Variants in FMN1 observed in about 807,000 individuals in gnomAD.
FMN1 encodes the protein formin 1.
FMN1 carries 110 observed loss-of-function variants against 132.4 expected under a neutral mutation model. The ratio of observed to expected loss-of-function variants is 0.83; its 90% CI spans 0.71 to 0.97. The LOEUF is 0.97. FMN1 is among the 50% of genes least tolerant of loss of function. FMN1 has a pLI of 0.00. For synonymous variants in FMN1, 722 were observed against 651.7 expected (o/e 1.11, Z -1.64); for missense variants, 1,792 against 1,705.3 (o/e 1.05, Z -0.90).
chr15:33,140,253 C>T (rs962190391), intron 4 of FMN1, among the ~76,000 whole-genome samples: 1 of 150,424 alleles, frequency 6.6e-6, no homozygotes, highest in African/African-American at 2.5e-5. Flanking sequence ...CCGTTTATCC[C>T]CTTTAATTAA....
chr15:33,122,125 A>G (rs914060939), intron 4 of FMN1, among the ~76,000 whole-genome samples: 2 of 152,252 alleles, frequency 1.3e-5, no homozygotes, highest in African/African-American at 4.8e-5. Flanking sequence ...ACAGTTAACT[A>G]CACAGTGAAA....
In FMN1 at chr15:32,769,373, A is replaced by C. The variant is rs985374999; in HGVS notation, c.*4937T>G. The C allele has an allele frequency of 6.6e-6, 1 of 150,876 alleles. No homozygotes were observed. Among genetic ancestry groups the C allele is most frequent in the African/African-American group, 2.5e-5 (1 of 40,146 alleles). 9.3% of individuals were successfully genotyped at this position (150,876 alleles called of 1,614,324 possible). A position where few individuals can be genotyped will look rare whatever the true frequency, so the allele number is the denominator to read the frequency against. ...GCCCATTCCTTGGGAAGGGAGATGA[A>C]GAATTGTGAAACCAAAATGCAGTGC... On this transcript the variant is annotated 3_prime_UTR_variant, in exon 21 of 21. Coordinates refer to ENST00000616417, the MANE Select transcript of FMN1 (RefSeq NM_001277313.2).
At chr15:33,019,288 G>A (rs753157602) in intron 6 of FMN1, among the ~76,000 whole-genome samples, 12 of 152,188 alleles carry the variant, frequency 7.9e-5, no homozygotes, top group East Asian at 5.8e-4. Context: ...AACCCTGAGC[G>A]GGACACAGAG....
At chr15:32,822,377 T>A (rs1304383533) in intron 17 of FMN1, among the ~76,000 whole-genome samples, 1 of 151,626 alleles carries the variant, frequency 6.6e-6, no homozygotes, top group East Asian at 1.9e-4. Context: ...AAAAAGATGA[T>A]CTACGATTAG....
chr15:32,988,535 C>A (rs1026476322), intron 7 of FMN1, among the ~76,000 whole-genome samples: 1 of 152,186 alleles, frequency 6.6e-6, no homozygotes, highest in Non-Finnish European at 1.5e-5. Context: ...ATCACTTAGA[C>A]TGTAGTCAAC....
At chr15:32,965,543 C>T (rs2031129837) in intron 8 of FMN1, among the ~76,000 whole-genome samples, 1 of 151,980 alleles carries the variant, frequency 6.6e-6, no homozygotes, top group Non-Finnish European at 1.5e-5. Flanking sequence ...TCAATGAAAA[C>T]TAAAAAGATA....
chr15:32,841,771 T>G (rs1430030740), intron 17 of FMN1, among the ~76,000 whole-genome samples: 1 of 152,222 alleles, frequency 6.6e-6, no homozygotes. Flanking sequence ...GGAAATACCA[T>G]CCATCCTGAA....
intron 5 of FMN1, among the ~76,000 whole-genome samples, chr15:33,074,030 C>T (rs1336414163): frequency 6.6e-6 from 1 of 152,174 alleles, no homozygotes; most frequent in Admixed American, 6.5e-5. Flanking sequence ...TGCCTCCGGC[C>T]TGGCTTGACC....
At chr15:33,152,538 T>C (rs183878967) in intron 4 of FMN1, among the ~76,000 whole-genome samples, 1 of 151,910 alleles carries the variant, frequency 6.6e-6, no homozygotes, top group Non-Finnish European at 1.5e-5. Flanking sequence ...CTTATCGAGA[T>C]GATTACTAAA....
At chr15:33,136,908 T>C (rs1275688074) in intron 4 of FMN1, among the ~76,000 whole-genome samples, 3 of 151,606 alleles carry the variant, frequency 2.0e-5, no homozygotes, top group Admixed American at 1.3e-4. Flanking sequence ...GCCAACATGG[T>C]GAAACCCTGT....
At chr15:32,878,855 T>G (rs10519761) in intron 16 of FMN1, among the ~76,000 whole-genome samples, 374 of 152,338 alleles carry the variant, frequency 2.5e-3, no homozygotes, top group African/African-American at 8.7e-3. Context: ...AAACACATTC[T>G]ATTAACCACG....
chr15:33,115,186 A>G (rs904855367), intron 4 of FMN1, among the ~76,000 whole-genome samples: 1 of 152,210 alleles, frequency 6.6e-6, no homozygotes, highest in Non-Finnish European at 1.5e-5. Flanking sequence ...AAATTCTTAG[A>G]ATTTAAGTGT....
chr15:33,165,422 GCT>G (rs1198798550), intron 3 of FMN1, among the ~76,000 whole-genome samples: 2 of 152,088 alleles, frequency 1.3e-5, no homozygotes, highest in African/African-American at 4.8e-5. Flanking sequence ...ACGGAGTCTC[GCT>G]CTGTCACCCA....
chr15:33,104,522 G>T (rs547987780), intron 4 of FMN1, among the ~76,000 whole-genome samples: 1 of 152,044 alleles, frequency 6.6e-6, no homozygotes, highest in Non-Finnish European at 1.5e-5. Context: ...TGGGGAAAAT[G>T]ATACAACAGA....
At chr15:32,815,783 T>C (rs1567213606) in intron 17 of FMN1, among the ~76,000 whole-genome samples, 3 of 152,302 alleles carry the variant, frequency 2.0e-5, no homozygotes, top group Middle Eastern at 3.4e-3. Flanking sequence ...GTGGTGGTAA[T>C]GATGGTGATG....
chr15:32,891,597 A>G (rs891769322), intron 15 of FMN1, among the ~76,000 whole-genome samples: 3 of 152,102 alleles, frequency 2.0e-5, no homozygotes, highest in Non-Finnish European at 4.4e-5. Flanking sequence ...ACTGCACTGA[A>G]TTTGTAGATT....
intron 9 of FMN1, among the ~76,000 whole-genome samples, chr15:32,947,652 GTCTC>G (rs540164616): frequency 1.7e-3 from 254 of 152,140 alleles, no homozygotes; most frequent in African/African-American, 5.9e-3. Context: ...AGAGAATTAT[GTCTC>G]TCTTTTTATT....
chr15:32,861,168 C>T (rs949834083), intron 16 of FMN1, among the ~76,000 whole-genome samples: 2 of 152,110 alleles, frequency 1.3e-5, no homozygotes, highest in Admixed American at 6.5e-5. Context: ...TTTTCATGAA[C>T]GTAGTATAAA....
At chr15:32,861,337 T>C (rs995194439) in intron 16 of FMN1, among the ~76,000 whole-genome samples, 14 of 152,234 alleles carry the variant, frequency 9.2e-5, no homozygotes, top group Non-Finnish European at 2.1e-4. Context: ...GGTTGATCGC[T>C]GCAGCTCTCC....
Sources: allele counts gnomAD v4.1 joint callset (sites outside exome capture counted in the v4.1 genomes callset), GRCh38; gene constraint gnomAD v4.1.1; transcripts MANE v1.5; gene names NCBI Gene and HGNC (gene_info 2026-07-23, HGNC 2026-07-21).